Variants in CRADD observed in about 807,000 individuals in gnomAD.
CRADD encodes the protein CARD and death domain containing adaptor protein.
CRADD carries 9 observed loss-of-function variants against 15.5 expected under a neutral mutation model. The ratio of observed to expected loss-of-function variants is 0.58; its 90% CI spans 0.35 to 1.01. The LOEUF is 1.01. Among genes scored for constraint, CRADD ranks in the 50% least tolerant of loss-of-function variants. CRADD has a pLI of 0.02. For missense variants in CRADD, 227 were observed against 250.3 expected (o/e 0.91, Z 0.63); for synonymous variants, 118 against 107.6 (o/e 1.10, Z -0.60).
intron 2 of CRADD, among the ~76,000 whole-genome samples, chr12:93,743,255 G>C (rs940662634): frequency 6.6e-6 from 1 of 152,128 alleles, no homozygotes; most frequent in African/African-American, 2.4e-5. Context: ...GGATTCTAGG[G>C]ATCTTTTTAT....
intron 2 of CRADD, among the ~76,000 whole-genome samples, chr12:93,767,463 T>G (rs1272232760): frequency 6.6e-6 from 1 of 152,260 alleles, no homozygotes; most frequent in Non-Finnish European, 1.5e-5. Flanking sequence ...TATTAGATAC[T>G]CTTGTCGTTT....
intron 2 of CRADD, among the ~76,000 whole-genome samples, chr12:93,800,150 A>G (rs1344830474): frequency 6.6e-6 from 1 of 152,198 alleles, no homozygotes; most frequent in African/African-American, 2.4e-5. Context: ...GAAGTTGTGT[A>G]CAAGATGCAG....
intron 2 of CRADD, among the ~76,000 whole-genome samples, chr12:93,882,353 G>A (rs1305589495): frequency 1.3e-5 from 2 of 150,168 alleles, no homozygotes; most frequent in African/African-American, 4.9e-5. Flanking sequence ...CCCGGGAAAC[G>A]GAGGTTGCAG....
At chr12:93,793,142 C>T (rs17021574) in intron 2 of CRADD, among the ~76,000 whole-genome samples, 13,261 of 152,140 alleles carry the variant, frequency 0.087, 883 homozygotes, top group African/African-American at 0.19. Flanking sequence ...CAACTCAAGA[C>T]GTGCACGGGG....
At position 93,784,282 on chromosome 12, in the gene CRADD, G is replaced by T. The variant is rs192755480; in HGVS notation, c.299-65688G>T. ...CAAAAATGGAAAAATAATAAATACT[G>T]CTGATATTTACTAAGTTTTATGGTA... On this transcript the variant is annotated intron_variant, in intron 2 of 2. Transcript: ENST00000332896. Among the ~76,000 whole-genome samples the T allele has an allele frequency of 1.2e-3, 184 of 152,178 alleles. 1 individual carries two copies. The highest frequency in any genetic ancestry group is 4.1e-3 in the African/African-American group (172 of 41,500).
chr12:93,825,961 AG>A (rs1957819023), intron 2 of CRADD, among the ~76,000 whole-genome samples: 1 of 152,224 alleles, frequency 6.6e-6, no homozygotes. Flanking sequence ...GAATCTGACA[AG>A]TATTTTTGGA....
chr12:93,799,042 G>A (rs1356670564), intron 2 of CRADD, among the ~76,000 whole-genome samples: 3 of 152,096 alleles, frequency 2.0e-5, no homozygotes, highest in Admixed American at 2.0e-4. Context: ...AGGGAGGGAA[G>A]AGGGGGAGGG....
At chr12:93,739,688 A>G (rs1956639601) in intron 2 of CRADD, among the ~76,000 whole-genome samples, 1 of 152,160 alleles carries the variant, frequency 6.6e-6, no homozygotes, top group South Asian at 2.1e-4. Context: ...AAAGGGAAAG[A>G]TCTTGGACAT....
chr12:93,808,776 C>T (rs1319228590), intron 2 of CRADD, among the ~76,000 whole-genome samples: 1 of 152,114 alleles, frequency 6.6e-6, no homozygotes, highest in Non-Finnish European at 1.5e-5. Context: ...GCCCAGGTCA[C>T]CTCTGAAGAT....
chr12:93,819,978 A>G (rs528125811), intron 2 of CRADD, among the ~76,000 whole-genome samples: 2 of 152,262 alleles, frequency 1.3e-5, no homozygotes, highest in East Asian at 3.9e-4. Flanking sequence ...CATGCTTCAC[A>G]TGTTCAAAAG....
chr12:93,721,449 A>G (rs1275271028), intron 2 of CRADD, among the ~76,000 whole-genome samples: 1 of 151,458 alleles, frequency 6.6e-6, no homozygotes, highest in Non-Finnish European at 1.5e-5. Flanking sequence ...GCACATACAC[A>G]AACACACACA....
chr12:93,798,904 C>T (rs1198223254), intron 2 of CRADD, among the ~76,000 whole-genome samples: 3 of 152,134 alleles, frequency 2.0e-5, no homozygotes, highest in Admixed American at 1.3e-4. Flanking sequence ...ACCAGCCCTC[C>T]CATGCCAGTC....
chr12:93,863,451 A>G lies in CRADD; in HGVS notation c.299-30599A>G, dbSNP rs1015438904. 2.0e-5 allele frequency among the ~76,000 whole-genome samples: 3 copies of G among 152,092 alleles called. 1 individual carries two copies. Among genetic ancestry groups the G allele is most frequent in the Non-Finnish European group, 4.4e-5 (3 of 68,030 alleles). On this transcript the variant is annotated intron_variant, in intron 2 of 2. Transcript: ENST00000548483. ...TTTATCTTCCCTTCATTCTACTTCA[A>G]AAATACCCGAACGTAGCTTGTTTGT...
intron 2 of CRADD, among the ~76,000 whole-genome samples, chr12:93,737,176 G>A (rs1341818929): frequency 6.6e-6 from 1 of 152,140 alleles, no homozygotes; most frequent in African/African-American, 2.4e-5. Context: ...GGAAAAACAG[G>A]GAGATGTGGA....
intron 2 of CRADD, among the ~76,000 whole-genome samples, chr12:93,867,404 T>TATATATATATATATATATATATATATATA (rs1491540248): frequency 2.4e-5 from 3 of 127,278 alleles, no homozygotes; most frequent in Non-Finnish European, 5.2e-5. Flanking sequence ...TATATATATA[T>TATATATATATATATATATATATATATATA]TTTTTAAACT....
intron 2 of CRADD, among the ~76,000 whole-genome samples, chr12:93,887,786 G>A (rs1178074609): frequency 6.6e-6 from 1 of 151,558 alleles, no homozygotes; most frequent in Non-Finnish European, 1.5e-5. Flanking sequence ...TAAGGCACAG[G>A]GGATACAAAT....
chr12:93,784,671 G>A (rs777870763), intron 2 of CRADD, among the ~76,000 whole-genome samples: 2 of 152,038 alleles, frequency 1.3e-5, no homozygotes, highest in Non-Finnish European at 2.9e-5. Flanking sequence ...GTCTGATAAA[G>A]CACACGTGGC....
At chr12:93,814,620 A>C (rs74652563) in intron 2 of CRADD, among the ~76,000 whole-genome samples, 3,660 of 152,310 alleles carry the variant, frequency 0.024, 69 homozygotes, top group Non-Finnish European at 0.036. Context: ...AACTTTGGAG[A>C]GTGCCAGAGG....
chr12:93,867,310 A>ATGT (rs370118752), intron 2 of CRADD, among the ~76,000 whole-genome samples: 195 of 149,146 alleles, frequency 1.3e-3, no homozygotes, highest in African/African-American at 4.3e-3. Flanking sequence ...TCCTTCCTGT[A>ATGT]TGTTAGTTAG....
Sources: allele counts gnomAD v4.1 joint callset (sites outside exome capture counted in the v4.1 genomes callset), GRCh38; gene constraint gnomAD v4.1.1; transcripts MANE v1.5; gene names NCBI Gene and HGNC (gene_info 2026-07-23, HGNC 2026-07-21).